The following NOL11 variants were observed in gnomAD, a reference collection of about 807,000 sequenced individuals.
NOL11 encodes the protein nucleolar protein 11.
A neutral mutation model predicts 93.0 loss-of-function variants in NOL11; 42 were observed. The ratio of observed to expected loss-of-function variants is 0.45; its 90% confidence interval spans 0.35 to 0.58. NOL11 has a LOEUF of 0.58. Ranked by LOEUF, NOL11 falls within the 20% of genes least tolerant of loss-of-function variation. NOL11 has a pLI of 0.00. For synonymous variants in NOL11, 296 were observed against 293.7 expected (o/e 1.01, Z -0.08); for missense variants, 775 against 841.8 (o/e 0.92, Z 0.98).
rs1209745874 is a variant in NOL11 at position 67,724,071 on chromosome 17, T to A, written c.542T>A (p.Val181Glu). Residue 181 changes from valine (V) to glutamate (E), a missense_variant, in exon 6 of 18, where the codon GTG (valine) becomes GAG (glutamate). Val to Glu is a moderately radical substitution (Grantham distance 121). Transcript: ENST00000253247. ...CAGCATGGAAATTACTTTGCTTACG[T>A]GCAAATGTTTAACTCACGTATCTTA... ...TEKHGNYFAY[V>E]QMFNSRILTK... 6.4e-7 allele frequency: 1 copy of A among 1,560,772 alleles called. No homozygotes were observed. Among genetic ancestry groups the A allele is most frequent in the Non-Finnish European group, 8.6e-7 (1 of 1,159,072 alleles).
intron 5 of NOL11, among the ~76,000 whole-genome samples, chr17:67,723,269 C>G (rs1350083438): frequency 6.6e-6 from 1 of 151,862 alleles, no homozygotes; most frequent in Non-Finnish European, 1.5e-5. Flanking sequence ...ACCTCAGCCT[C>G]CCAAAGTGCT....
rs745518843 is a variant in NOL11, at chr17:67,739,605, C to G, written c.1932C>G (p.Asn644Lys). ...TLPGIHPPTLNQIMDWICLLL... is the reference protein window; with the variant it reads ...TLPGIHPPTLKQIMDWICLLL... Reference sequence around the variant, plus strand: ...CTGGAATACACCCACCTACCTTGAACCAGGTGAGATTATTTTTTTACTTTG... The same window carrying G: ...CTGGAATACACCCACCTACCTTGAAGCAGGTGAGATTATTTTTTTACTTTG... Residue 644 changes from asparagine (N) to lysine (K), a missense_variant, in exon 16 of 18, where the codon AAC becomes AAG. Transcript: ENST00000253247. The G allele has an allele frequency of 6.4e-7, 1 of 1,562,710 alleles. No homozygotes were observed. Among genetic ancestry groups the G allele is most frequent in the East Asian group, 2.3e-5 (1 of 43,360 alleles).
chr17:67,742,989 C>G (rs1387870414), intron 16 of NOL11, among the ~76,000 whole-genome samples: 3 of 152,216 alleles, frequency 2.0e-5, no homozygotes, highest in Non-Finnish European at 4.4e-5. Context: ...AGCCTGTAGT[C>G]TTAGCACTTT....
intron 7 of NOL11, among the ~76,000 whole-genome samples, chr17:67,728,200 C>T (rs1302597649): frequency 1.3e-5 from 2 of 152,176 alleles, no homozygotes; most frequent in Non-Finnish European, 2.9e-5. Flanking sequence ...GCAGAGCTTG[C>T]AGTGAGCTGA....
chr17:67,724,281 A>G (rs2055066424), intron 6 of NOL11, 88 bp downstream of exon 6: 1 of 760,492 alleles, frequency 1.3e-6, no homozygotes, highest in Non-Finnish European at 2.0e-6. Context: ...GACTTTGTGA[A>G]GCATTCAGTT....
intron 7 of NOL11, among the ~76,000 whole-genome samples, chr17:67,729,330 G>C (rs1039233203): frequency 2.0e-5 from 3 of 152,002 alleles, no homozygotes; most frequent in African/African-American, 7.3e-5. Context: ...TGTTGGTCAG[G>C]CTAGTCTTGA....
At chr17:67,718,129 G>T (rs1599032060) in intron 1 of NOL11, 41 bp downstream of exon 1, 1 of 1,595,972 alleles carries the variant, frequency 6.3e-7, no homozygotes, top group African/African-American at 1.3e-5. Context: ...CTGCCTTCTC[G>T]CCCCTTTCTG....
chr17:67,738,882 C>G (rs2143137684), intron 14 of NOL11, 50 bp from the exon 15 acceptor site: 1 of 1,190,118 alleles, frequency 8.4e-7, no homozygotes, highest in East Asian at 2.3e-5. Context: ...CTCATAAGTT[C>G]AATAGAATAG....
chr17:67,722,517 G>C (rs950926152), intron 4 of NOL11, 63 bp from the exon 5 acceptor site: 21 of 1,524,476 alleles, frequency 1.4e-5, no homozygotes, highest in Non-Finnish European at 1.7e-5. Flanking sequence ...AATTTTGATT[G>C]ATATGTGTCT....
At chr17:67,730,848 G>GTT (rs2055147775) in intron 7 of NOL11, among the ~76,000 whole-genome samples, 1 of 152,088 alleles carries the variant, frequency 6.6e-6, no homozygotes, top group Non-Finnish European at 1.5e-5. Context: ...AAGAACTGCC[G>GTT]AACTCCACAG....
chr17:67,742,306 A>G (rs953716846), intron 16 of NOL11, among the ~76,000 whole-genome samples: 3 of 152,188 alleles, frequency 2.0e-5, no homozygotes, highest in African/African-American at 7.2e-5. Flanking sequence ...GAGAGAAGGA[A>G]ACCGTCTCTT....
At chr17:67,735,152 T>C (rs948594762) in intron 8 of NOL11, among the ~76,000 whole-genome samples, 19 of 152,214 alleles carry the variant, frequency 1.2e-4, no homozygotes, top group Admixed American at 1.2e-3. Flanking sequence ...GTGCACTTCC[T>C]GAGGCAGGGT....
rs771153752 is a variant in NOL11 at position 67,719,948 on chromosome 17, G to A, written c.298G>A (p.Val100Ile). The change falls in exon 3 of 18, where the codon GTA becomes ATA. Residue 100 changes from valine to isoleucine, a missense_variant. Val to Ile is a conservative substitution (Grantham distance 29, BLOSUM62 3). This residue lies in a region of NOL11 where 359 missense variants were observed against 316.5 expected (regional missense o/e 1.13). Transcript: ENST00000253247. ...TAATGAAGATGTAAACCTGGATAAA[G>A]TATTTAAAGCTACAGTAAGTCTTTG... ...WNNEDVNLDK[V>I]FKATLSAEVY... 1.3e-6 allele frequency: 2 copies of A among 1,567,904 alleles called. No individual in the cohort carries two copies. The highest frequency in any genetic ancestry group is 1.9e-5 in the Admixed American group (1 of 53,012).
chr17:67,740,194 C>T (rs942823596), intron 16 of NOL11, among the ~76,000 whole-genome samples: 2 of 151,352 alleles, frequency 1.3e-5, no homozygotes, highest in African/African-American at 4.9e-5. Context: ...GAGATCGCGC[C>T]ACTGCACTCC....
At chr17:67,735,645 A>G (rs1432327401) in intron 8 of NOL11, among the ~76,000 whole-genome samples, 1 of 152,128 alleles carries the variant, frequency 6.6e-6, no homozygotes, top group Admixed American at 6.6e-5. Flanking sequence ...AATTTTAAAC[A>G]ATTGAGTTTT....
rs1599047176 is a variant in NOL11 at position 67,737,838 on chromosome 17, T to G, written c.1404-9T>G. The G allele has an allele frequency of 5.0e-6, 8 of 1,603,292 alleles. No individual in the cohort carries two copies. In the East Asian group the frequency reaches 1.8e-4, roughly 36 times the overall value. On this transcript the variant is annotated splice_polypyrimidine_tract_variant and intron_variant, in intron 12 of 17. Transcript: ENST00000253247. Reference sequence around the variant, plus strand: ...ATATGTAATAGTGATTCAGATTTTTTTGTCTTAGTTTGTGCCCCGACTTAA... The same window carrying G: ...ATATGTAATAGTGATTCAGATTTTTGTGTCTTAGTTTGTGCCCCGACTTAA...
chr17:67,724,194 G>GT lies in NOL11; in HGVS notation c.664+2dup. 1 of 1,537,636 alleles carries GT rather than the reference G, an allele frequency of 6.5e-7. No individual in the cohort carries two copies. Reference sequence around the variant, plus strand: ...AAATTCATCTCTTTGATGTCATTAAGTAAGTTTTCTTTCTTTAAACTTTCA... The same window carrying GT: ...AAATTCATCTCTTTGATGTCATTAAGTTAAGTTTTCTTTCTTTAAACTTTCA... On this transcript the variant is annotated splice_donor_variant, in intron 6 of 17. Transcript: ENST00000253247. LOFTEE classifies it high-confidence loss of function.
At chr17:67,724,275 T>G (rs2055066321) in intron 6 of NOL11, 82 bp downstream of exon 6, 2 of 785,702 alleles carry the variant, frequency 2.5e-6, no homozygotes, top group Non-Finnish European at 3.9e-6. Flanking sequence ...ATCGTAGACT[T>G]TGTGAAGCAT....
chr17:67,738,316 G>A lies in NOL11; in HGVS notation c.1724G>A (p.Ser575Asn), dbSNP rs201494014. The A allele has an allele frequency of 6.2e-7, 1 of 1,613,860 alleles. No homozygotes were observed. Among genetic ancestry groups the A allele is most frequent in the African/African-American group, 1.3e-5 (1 of 74,986 alleles). The change falls in exon 14 of 18, where the codon AGC (serine) becomes AAC (asparagine). Residue 575 changes from serine to asparagine, a missense_variant. Ser to Asn is a conservative substitution (Grantham distance 46). This residue lies in a region of NOL11 where 416 missense variants were observed against 525.2 expected (regional missense o/e 0.79). Coordinates refer to ENST00000253247, the MANE Select transcript of NOL11 (RefSeq NM_015462.5). The stretch of plus-strand genomic sequence containing the variant: ...AAGCCCCAGGACGAAACAAAGGAGA[G>A]CACTTCATGCCCTGTGGTACAAAAA... ...NKKPQDETKE[S>N]TSCPVVQKRA...
Sources: allele counts gnomAD v4.1 joint callset (sites outside exome capture counted in the v4.1 genomes callset), GRCh38; gene constraint gnomAD v4.1.1; regional missense constraint gnomAD v4.1.1; transcripts MANE v1.5; gene names NCBI Gene and HGNC (gene_info 2026-07-23, HGNC 2026-07-21).